Variants in ZNF385D observed in about 807,000 individuals in gnomAD.
ZNF385D encodes zinc finger protein 659.
ZNF385D carries 15 observed loss-of-function variants against 35.8 expected under a neutral mutation model. The ratio of observed to expected loss-of-function variants is 0.42; its 90% CI spans 0.28 to 0.64. ZNF385D has a LOEUF of 0.64. ZNF385D is among the 30% of genes least tolerant of loss of function. The pLI is 0.23. For missense variants in ZNF385D, 474 were observed against 494.6 expected (o/e 0.96, Z 0.39); for synonymous variants, 212 against 186.8 (o/e 1.13, Z -1.10).
chr3:21,935,170 A>T (rs990770521), intron 3 of ZNF385D, among the ~76,000 whole-genome samples: 4 of 152,148 alleles, frequency 2.6e-5, no homozygotes, highest in African/African-American at 9.7e-5. Flanking sequence ...GCTGTGGAGG[A>T]GTATTTGTTC....
At chr3:21,468,288 G>C (rs1463013313) in intron 4 of ZNF385D, among the ~76,000 whole-genome samples, 1 of 150,100 alleles carries the variant, frequency 6.7e-6, no homozygotes, top group Non-Finnish European at 1.5e-5. Context: ...TGTAGTCCCA[G>C]CTACTCGGGA....
In ZNF385D at chr3:21,869,455, T is replaced by C. The variant is rs527732683; in HGVS notation, c.326-204427A>G. ...TCTTTCCTAAAGTGGGAATATATAT[T>C]GCATTTAGAGAGTAACCTTGATACT... On this transcript the variant is annotated intron_variant, in intron 3 of 5. Transcript: ENST00000494108. 1.0e-3 allele frequency among the ~76,000 whole-genome samples: 155 copies of C among 152,142 alleles called. 1 individual carries two copies. The highest frequency in any genetic ancestry group is 2.0e-3 in the Non-Finnish European group (137 of 68,020).
chr3:22,088,722 A>T (rs1701171011), intron 3 of ZNF385D, among the ~76,000 whole-genome samples: 1 of 152,164 alleles, frequency 6.6e-6, no homozygotes, highest in African/African-American at 2.4e-5. Context: ...ACAACAAACT[A>T]ACAAAGCAAA....
At chr3:22,191,314 C>G (rs1332911969) in intron 2 of ZNF385D, among the ~76,000 whole-genome samples, 1 of 151,872 alleles carries the variant, frequency 6.6e-6, no homozygotes, top group African/African-American at 2.4e-5. Context: ...ATGGAGAAAC[C>G]CCGTCTCTAC....
In ZNF385D at chr3:22,289,270, C is replaced by A. The variant is rs1399920775; in HGVS notation, c.106+83180G>T. 2.0e-5 allele frequency among the ~76,000 whole-genome samples: 3 copies of A among 152,130 alleles called. 1 individual carries two copies. The highest frequency in any genetic ancestry group is 2.0e-4 in the Admixed American group (3 of 15,260). The stretch of plus-strand genomic sequence containing the variant: ...TATAGGGAGACTCAAGCATGCAGAG[C>A]CTCATCAACTCCTGAATCTAGGTGG... On this transcript the variant is annotated intron_variant, in intron 2 of 5. Transcript: ENST00000494108.
chr3:22,175,995 C>T (rs980570176), intron 2 of ZNF385D, among the ~76,000 whole-genome samples: 2 of 150,908 alleles, frequency 1.3e-5, no homozygotes, highest in Non-Finnish European at 3.0e-5. Flanking sequence ...CTATATTTCA[C>T]TATTAAAATT....
chr3:21,738,863 G>T (rs1245630080), intron 1 of ZNF385D, among the ~76,000 whole-genome samples: 1 of 152,192 alleles, frequency 6.6e-6, no homozygotes, highest in Non-Finnish European at 1.5e-5. Flanking sequence ...CTTAAAGAAA[G>T]CAAGAGTAGC....
At chr3:22,119,771 G>T (rs547642005) in intron 3 of ZNF385D, among the ~76,000 whole-genome samples, 1 of 152,068 alleles carries the variant, frequency 6.6e-6, no homozygotes, top group Non-Finnish European at 1.5e-5. Flanking sequence ...CTGCTGAACT[G>T]TTTTAGGAGA....
At chr3:21,989,026 C>T (rs1023607656) in intron 3 of ZNF385D, among the ~76,000 whole-genome samples, 28 of 152,136 alleles carry the variant, frequency 1.8e-4, no homozygotes, top group East Asian at 7.8e-4. Context: ...GCACGGTGCG[C>T]GCACCCACTG....
At chr3:21,694,210 A>AT (rs2067391118) in intron 1 of ZNF385D, among the ~76,000 whole-genome samples, 1 of 151,254 alleles carries the variant, frequency 6.6e-6, no homozygotes, top group Admixed American at 6.6e-5. Context: ...CGCCCGGCTA[A>AT]TTTTTTGTAT....
intron 4 of ZNF385D, among the ~76,000 whole-genome samples, chr3:21,456,314 T>G (rs1251598161): frequency 6.6e-6 from 1 of 152,168 alleles, no homozygotes; most frequent in East Asian, 1.9e-4. Context: ...CTATTCACAA[T>G]AGCAAAGACT....
intron 2 of ZNF385D, among the ~76,000 whole-genome samples, chr3:21,600,796 A>T (rs2064264056): frequency 6.6e-6 from 1 of 152,126 alleles, no homozygotes; most frequent in African/African-American, 2.4e-5. Flanking sequence ...CCAAAAGAAA[A>T]AAAGCTCTGA....
At chr3:21,918,916 C>T (rs1700322384) in intron 3 of ZNF385D, among the ~76,000 whole-genome samples, 1 of 152,170 alleles carries the variant, frequency 6.6e-6, no homozygotes, top group Non-Finnish European at 1.5e-5. Context: ...GGTTATATTT[C>T]AAATGCTTGC....
intron 2 of ZNF385D, among the ~76,000 whole-genome samples, chr3:21,600,650 CA>C (rs2064257691): frequency 2.0e-5 from 3 of 151,770 alleles, no homozygotes; most frequent in Admixed American, 1.3e-4. Flanking sequence ...AGGAAGCTTT[CA>C]AAATACAAGA....
intron 4 of ZNF385D, among the ~76,000 whole-genome samples, chr3:21,455,628 A>C (rs1702756174): frequency 6.6e-6 from 1 of 152,214 alleles, no homozygotes; most frequent in Non-Finnish European, 1.5e-5. Context: ...AAAAGCATAA[A>C]AACCCTAGAA....
chr3:21,460,148 C>T (rs573047752), intron 4 of ZNF385D, among the ~76,000 whole-genome samples: 8 of 152,142 alleles, frequency 5.3e-5, no homozygotes, highest in Non-Finnish European at 1.2e-4. Flanking sequence ...ACCTCAGTTT[C>T]ATGCTTAGAT....
chr3:22,186,070 C>G (rs959594371), intron 2 of ZNF385D, among the ~76,000 whole-genome samples: 3 of 152,102 alleles, frequency 2.0e-5, no homozygotes, highest in Admixed American at 1.3e-4. Flanking sequence ...CACTCACACA[C>G]TCTTAAATAA....
At chr3:21,653,463 A>T (rs1201162969) in intron 2 of ZNF385D, among the ~76,000 whole-genome samples, 5 of 152,102 alleles carry the variant, frequency 3.3e-5, no homozygotes, top group Non-Finnish European at 7.4e-5. Context: ...TTAAACCATG[A>T]GCCACAGTAA....
intron 2 of ZNF385D, among the ~76,000 whole-genome samples, chr3:21,641,411 G>A (rs1455137023): frequency 6.6e-6 from 1 of 151,832 alleles, no homozygotes; most frequent in Non-Finnish European, 1.5e-5. Context: ...GTAAACCAAT[G>A]AGGAAGAAAA....
Sources: allele counts gnomAD v4.1 joint callset (sites outside exome capture counted in the v4.1 genomes callset), GRCh38; gene constraint gnomAD v4.1.1; transcripts MANE v1.5; gene names NCBI Gene and HGNC (gene_info 2026-07-23, HGNC 2026-07-21).